Variants in TRAPPC12 observed in about 807,000 individuals in gnomAD.
The protein encoded by TRAPPC12 is TPR repeat protein 15.
TRAPPC12 carries 61 observed loss-of-function variants against 69.2 expected under a neutral mutation model. That is an observed-to-expected ratio of 0.88 (90% CI 0.72 to 1.09). The LOEUF (loss-of-function observed/expected upper bound fraction) is 1.09. TRAPPC12 is among the 50% of genes least tolerant of loss of function. TRAPPC12 has a pLI of 0.00. For synonymous variants in TRAPPC12, 469 were observed against 438.9 expected, an observed-to-expected ratio of 1.07 and a Z score of -0.86; for missense variants, 1,101 against 1,016.4, an observed-to-expected ratio of 1.08 and a Z score of -1.13.
rs762186166 is a variant in TRAPPC12, at chr2:3,387,706, G to A, written c.83G>A (p.Gly28Glu). The A allele has an allele frequency of 1.1e-5, 17 of 1,590,062 alleles. No individual in the cohort carries two copies. The highest frequency in any genetic ancestry group is 2.3e-5 in the East Asian group (1 of 42,888). Residue 28 changes from glycine (G) to glutamate (E), a missense_variant, in exon 2 of 12, where the codon GGG (glycine) becomes GAG (glutamate). By Grantham distance (98) the Gly-to-Glu change is moderately conservative. Coordinates refer to ENST00000324266, the MANE Select transcript of TRAPPC12 (RefSeq NM_016030.6). Reference sequence around the variant, plus strand: ...CAGCTCGCGCCTCCGGAGGAGCAGGGGTTGCTCTTCCAGGAGGAAACCATC... The same window carrying A: ...CAGCTCGCGCCTCCGGAGGAGCAGGAGTTGCTCTTCCAGGAGGAAACCATC... The part of the protein sequence containing the change: ...PPQLAPPEEQ[G>E]LLFQEETIDL...
chr2:3,431,176 C>T (rs1343912244), intron 5 of TRAPPC12, among the ~76,000 whole-genome samples: 1 of 152,250 alleles, frequency 6.6e-6, no homozygotes, highest in Admixed American at 6.5e-5. Context: ...GGCCCTAGGC[C>T]ACCTGCTGCC....
chr2:3,460,725 C>T (rs935381757), intron 8 of TRAPPC12: 3 of 182,734 alleles, frequency 1.6e-5, no homozygotes, highest in African/African-American at 4.8e-5. Flanking sequence ...ATGCTTACAA[C>T]ACCTGAAGAC....
intron 5 of TRAPPC12, among the ~76,000 whole-genome samples, chr2:3,433,863 AC>A (rs1663603780): frequency 6.6e-6 from 1 of 152,196 alleles, no homozygotes; most frequent in Non-Finnish European, 1.5e-5. Context: ...GTTTTTCCTT[AC>A]AGATTTTGAC....
chr2:3,470,308 G>C (rs1017479108), intron 9 of TRAPPC12, among the ~76,000 whole-genome samples: 3 of 152,246 alleles, frequency 2.0e-5, no homozygotes, highest in African/African-American at 7.2e-5. Flanking sequence ...GGAAGCTGAC[G>C]TGCCCCTCCC....
chr2:3,459,354 G>A (rs1178755274), intron 7 of TRAPPC12, among the ~76,000 whole-genome samples: 1 of 152,222 alleles, frequency 6.6e-6, no homozygotes, highest in Non-Finnish European at 1.5e-5. Flanking sequence ...TGGCCTCTGT[G>A]GACCTCAGCC....
chr2:3,428,662 G>C (rs995195781), intron 5 of TRAPPC12, among the ~76,000 whole-genome samples: 1 of 152,220 alleles, frequency 6.6e-6, no homozygotes, highest in African/African-American at 2.4e-5. Context: ...AGCAATTTCA[G>C]TCAGTTCCTT....
At chr2:3,408,872 C>T (rs1266685300) in intron 3 of TRAPPC12, among the ~76,000 whole-genome samples, 1 of 152,226 alleles carries the variant, frequency 6.6e-6, no homozygotes, top group Non-Finnish European at 1.5e-5. Context: ...CAGCACAGTG[C>T]GACCTGACCA....
rs551103284 is a variant in TRAPPC12 at position 3,452,334 on chromosome 2, T to G, written c.1531-5287T>G. 1.7e-4 allele frequency among the ~76,000 whole-genome samples: 26 copies of G among 152,326 alleles called. 1 individual carries two copies. Among genetic ancestry groups the G allele is most frequent in the African/African-American group, 6.0e-4 (25 of 41,574 alleles). On this transcript the variant is annotated intron_variant, in intron 6 of 11. Coordinates refer to ENST00000324266, the MANE Select transcript of TRAPPC12 (RefSeq NM_016030.6). ...CTTGCACGGCCGGGTCTCAGAGGTC[T>G]CTATGTCCCCTCCACCTGGTTCTTT... is the stretch of plus-strand genomic sequence containing the variant.
chr2:3,474,683 C>A (rs1558411412), intron 9 of TRAPPC12, among the ~76,000 whole-genome samples: 1 of 152,118 alleles, frequency 6.6e-6, no homozygotes. Context: ...CAGGTGACAT[C>A]TCAAAAGGAT....
intron 8 of TRAPPC12, among the ~76,000 whole-genome samples, chr2:3,464,163 C>G (rs938083973): frequency 1.3e-5 from 2 of 151,948 alleles, no homozygotes; most frequent in African/African-American, 2.4e-5. Context: ...CTCACACACA[C>G]GCTCACACTC....
chr2:3,384,061 A>G (rs546132194), intron 1 of TRAPPC12, among the ~76,000 whole-genome samples: 1 of 151,798 alleles, frequency 6.6e-6, no homozygotes, highest in South Asian at 2.1e-4. Context: ...ACACCTGGCT[A>G]ATTTTTGTAT....
chr2:3,420,202 A>G (rs980759036), intron 3 of TRAPPC12, among the ~76,000 whole-genome samples: 1 of 152,112 alleles, frequency 6.6e-6, no homozygotes, highest in South Asian at 2.1e-4. Context: ...AAAAACAACT[A>G]TCAACCCCTC....
At chr2:3,432,902 T>C (rs1050031639) in intron 5 of TRAPPC12, among the ~76,000 whole-genome samples, 1 of 152,270 alleles carries the variant, frequency 6.6e-6, no homozygotes, top group African/African-American at 2.4e-5. Context: ...TGCACATGAC[T>C]GTGGCAGACG....
chr2:3,382,084 C>T (rs144248567), intron 1 of TRAPPC12, among the ~76,000 whole-genome samples: 317 of 147,904 alleles, frequency 2.1e-3, no homozygotes, highest in African/African-American at 7.6e-3. Context: ...ATACCACAGT[C>T]TACTTATTTA....
intron 2 of TRAPPC12, among the ~76,000 whole-genome samples, chr2:3,392,092 GTGAGCATA>G (rs1216523901): frequency 6.6e-6 from 1 of 152,144 alleles, no homozygotes; most frequent in Non-Finnish European, 1.5e-5. Context: ...AAGGGCTGGG[GTGAGCATA>G]TGACATTTAG....
chr2:3,408,212 C>T (rs1037494226), intron 3 of TRAPPC12, among the ~76,000 whole-genome samples: 13 of 152,190 alleles, frequency 8.5e-5, no homozygotes, highest in Non-Finnish European at 1.8e-4. Flanking sequence ...AGGCTTGTAC[C>T]AGGAGAAACA....
intron 8 of TRAPPC12, among the ~76,000 whole-genome samples, chr2:3,464,514 G>A (rs1209569048): frequency 1.3e-5 from 2 of 152,158 alleles, no homozygotes; most frequent in South Asian, 2.1e-4. Flanking sequence ...AAGTACCTCT[G>A]GGATTATACG....
intron 3 of TRAPPC12, among the ~76,000 whole-genome samples, chr2:3,412,667 G>A (rs974107519): frequency 6.6e-5 from 10 of 152,182 alleles, no homozygotes; most frequent in Admixed American, 2.0e-4. Flanking sequence ...GTGAGGGCTC[G>A]GCGACACAGA....
intron 4 of TRAPPC12, 123 bp downstream of exon 4, chr2:3,422,117 C>A (rs1662833840): frequency 1.3e-6 from 1 of 765,626 alleles, no homozygotes. Context: ...TTCTTTCTCT[C>A]CTAATTATAT....
Sources: gnomAD v4.1 joint callset for allele counts (sites outside exome capture counted in the v4.1 genomes callset) on GRCh38, gnomAD v4.1.1 for gene constraint, MANE v1.5 for transcripts, NCBI Gene and HGNC (gene_info 2026-07-23, HGNC 2026-07-21) for gene names.